GSN: variants seen among roughly 807,000 people sequenced by gnomAD.
The protein encoded by GSN is gelsolin, also known as actin-depolymerizing factor.
GSN carries 56 observed loss-of-function variants against 85.7 expected under a neutral mutation model. The observed-to-expected ratio is 0.65, with a 90% CI of 0.53 to 0.82. The LOEUF is 0.82. Among genes scored for constraint, GSN ranks in the 40% least tolerant of loss-of-function variants. GSN has a pLI of 0.00. For missense variants in GSN, 857 were observed against 979.8 expected (o/e 0.87, Z 1.67); for synonymous variants, 373 against 399.1 (o/e 0.93, Z 0.78).
At chr9:121,288,432 A>C (rs1272119497) in intron 2 of GSN, among the ~76,000 whole-genome samples, 1 of 152,190 alleles carries the variant, frequency 6.6e-6, no homozygotes, top group Non-Finnish European at 1.5e-5. Context: ...TACGCAGGGC[A>C]CAGGACATAA....
At chr9:121,251,121 C>G (rs970741111) in intron 6 of GSN, among the ~76,000 whole-genome samples, 1 of 147,600 alleles carries the variant, frequency 6.8e-6, no homozygotes, top group African/African-American at 2.5e-5. Flanking sequence ...CCACTGCACC[C>G]GACCCTGTTT....
intron 4 of GSN, among the ~76,000 whole-genome samples, chr9:121,216,217 G>A (rs1223094444): frequency 6.6e-6 from 1 of 152,024 alleles, no homozygotes; most frequent in Non-Finnish European, 1.5e-5. Flanking sequence ...CAAAGTTCTG[G>A]AATTACAGAC....
At chr9:121,286,738 C>T (rs1457394968) in intron 2 of GSN, 1 of 1,535,326 alleles carries the variant, frequency 6.5e-7, no homozygotes, top group South Asian at 1.2e-5. Flanking sequence ...CTGATGAGAG[C>T]TGATCTTCAT....
chr9:121,297,506 C>T (rs2059331905), intron 2 of GSN, among the ~76,000 whole-genome samples: 1 of 152,214 alleles, frequency 6.6e-6, no homozygotes, highest in South Asian at 2.1e-4. Context: ...CCTCCTTCTT[C>T]CCTTTCCAGC....
chr9:121,327,590 G>A (rs1019417711), intron 14 of GSN, 108 bp downstream of exon 14: 1 of 868,402 alleles, frequency 1.2e-6, no homozygotes, highest in Non-Finnish European at 1.7e-6. Flanking sequence ...TCCCACCTGA[G>A]GGCCTGTCCC....
intron 11 of GSN, among the ~76,000 whole-genome samples, chr9:121,321,703 A>T (rs1297385257): frequency 2.0e-5 from 3 of 151,868 alleles, no homozygotes; most frequent in Non-Finnish European, 2.9e-5. Context: ...CATATTTTTC[A>T]AGCCAAAATT....
Position 121,327,415 on chromosome 9 carries a change from G to A in GSN, c.1695G>A (p.Thr565=), listed in dbSNP as rs762513908. 9.9e-6 allele frequency: 16 copies of A among 1,610,598 alleles called. No individual in the cohort carries two copies. The highest frequency in any genetic ancestry group is 4.4e-5 in the South Asian group (4 of 90,380). The change falls in exon 14 of 18, where the codon ACG becomes ACA. Residue 565 remains threonine (T), a synonymous_variant. Transcript: ENST00000432226. ...CAGGAGCCAGCGAGGCAGAGAAGAC[G>A]GGGGCCCAGGAGCTGCTCAGGGTGC... The part of the protein sequence containing the change: ...VGTGASEAEK[T]GAQELLRVLR...
In GSN at chr9:121,328,924, C is replaced by T. The variant is rs770419491; in HGVS notation, c.1796C>T (p.Ala599Val). The change falls in exon 15 of 18, where the codon GCC becomes GTC. Residue 599 changes from alanine (A) to valine (V), a missense_variant. Ala to Val is a moderately conservative substitution (Grantham distance 64). Coordinates refer to ENST00000432226, the MANE Select transcript of GSN (RefSeq NM_198252.3). ...GFWEALGGKA[A>V]YRTSPRLKDK... ...TGGGAGGCCCTGGGCGGGAAGGCTGCCTACCGCACATCCCCACGGCTGAAG... is the reference window on the plus strand; with the variant it reads ...TGGGAGGCCCTGGGCGGGAAGGCTGTCTACCGCACATCCCCACGGCTGAAG... 1.2e-5 allele frequency: 20 copies of T among 1,613,138 alleles called. No homozygotes were observed. The highest frequency in any genetic ancestry group is 1.7e-5 in the Admixed American group (1 of 60,000).
intron 6 of GSN, among the ~76,000 whole-genome samples, chr9:121,248,789 G>C (rs1036272280): frequency 7.3e-6 from 1 of 136,108 alleles, no homozygotes; most frequent in Non-Finnish European, 1.7e-5. Flanking sequence ...TATTGGTGGG[G>C]TGGGCAGGGG....
Position 121,313,989 on chromosome 9 carries a change from A to G in GSN, c.719A>G (p.Asp240Gly). The change falls in exon 7 of 18, where the codon GAT (aspartate) becomes GGT (glycine). Residue 240 changes from aspartate to glycine, a missense_variant. Physicochemically the swap from Asp to Gly is moderately conservative, Grantham distance 94. Coordinates refer to ENST00000432226, the MANE Select transcript of GSN (RefSeq NM_198252.3). ...PAGTEDTAKEDAANRKLAKLY... is the reference protein window; with the variant it reads ...PAGTEDTAKEGAANRKLAKLY... ...GGTACCGAGGACACCGCCAAGGAGG[A>G]TGCGGCCAACCGCAAGCTGGCCAAG... 6.2e-7 allele frequency: 1 copy of G among 1,614,180 alleles called. No homozygotes were observed. Among genetic ancestry groups the G allele is most frequent in the Non-Finnish European group, 8.5e-7 (1 of 1,180,002 alleles).
chr9:121,249,401 T>C (rs1318721430), intron 6 of GSN, among the ~76,000 whole-genome samples: 1 of 152,096 alleles, frequency 6.6e-6, no homozygotes, highest in African/African-American at 2.4e-5. Context: ...CACCTGAGCC[T>C]GGGAGGTGGA....
At chr9:121,282,419 C>T in intron 2 of GSN, 1 of 1,146,778 alleles carries the variant, frequency 8.7e-7, no homozygotes, top group Non-Finnish European at 1.1e-6. Context: ...CAACCCACGC[C>T]ATCCCTTTTC....
chr9:121,320,382 C>T (rs1011867482), intron 10 of GSN, among the ~76,000 whole-genome samples: 3 of 152,228 alleles, frequency 2.0e-5, no homozygotes, highest in Non-Finnish European at 4.4e-5. Flanking sequence ...CAGTGGCTCA[C>T]GCCTGTAATC....
chr9:121,308,681 T>C (rs1282618941), intron 4 of GSN: 1 of 152,152 alleles, frequency 6.6e-6, no homozygotes, highest in African/African-American at 2.4e-5. Context: ...AAACCTGATA[T>C]TGAGAGAAGA....
At chr9:121,247,424 C>G (rs1312181355) in intron 5 of GSN, among the ~76,000 whole-genome samples, 2 of 152,228 alleles carry the variant, frequency 1.3e-5, no homozygotes, top group African/African-American at 4.8e-5. Flanking sequence ...AACTGTGCAG[C>G]CTCTGACTTC....
upstream of GSN, among the ~76,000 whole-genome samples, chr9:121,207,592 G>A (rs1224591315): frequency 1.3e-5 from 2 of 152,192 alleles, no homozygotes; most frequent in East Asian, 1.9e-4. Flanking sequence ...CCCATGGAAG[G>A]TCATCTCCCA....
At chr9:121,283,726 A>G (rs1199358825) in intron 2 of GSN, 2 of 166,994 alleles carry the variant, frequency 1.2e-5, no homozygotes, top group Non-Finnish European at 2.9e-5. Flanking sequence ...TTCATTTGAG[A>G]GATATTTAGG....
intron 4 of GSN, among the ~76,000 whole-genome samples, chr9:121,227,399 A>G (rs941869275): frequency 6.6e-6 from 1 of 152,134 alleles, no homozygotes; most frequent in African/African-American, 2.4e-5. Context: ...ATCTAAAAAA[A>G]AAAAAAGAGA....
At chr9:121,202,331 A>G in the GSN span, among the ~76,000 whole-genome samples, 3 of 152,234 alleles carry the variant, frequency 2.0e-5, no homozygotes, top group Non-Finnish European at 2.9e-5. Flanking sequence ...TTTACTGTAT[A>G]TACCGCTGTA....
Sources: allele counts gnomAD v4.1 joint callset (sites outside exome capture counted in the v4.1 genomes callset), GRCh38; gene constraint gnomAD v4.1.1; transcripts MANE v1.5; gene names NCBI Gene and HGNC (gene_info 2026-07-23, HGNC 2026-07-21).